Variants in ZFHX3 observed in about 807,000 individuals in gnomAD.
The protein encoded by ZFHX3 is zinc finger homeobox 3.
ZFHX3 carries 42 observed loss-of-function variants against 279.1 expected under a neutral mutation model. The ratio of observed to expected loss-of-function variants is 0.15; its 90% CI spans 0.12 to 0.19. The LOEUF (loss-of-function observed/expected upper bound fraction) is 0.19. ZFHX3 is among the 10% of genes least tolerant of loss of function. The pLI is 1.00. For missense variants in ZFHX3, 4,981 were observed against 4,754.0 expected (o/e 1.05, Z -1.40); for synonymous variants, 2,293 against 1,957.8 (o/e 1.17, Z -4.52).
intron 1 of ZFHX3, among the ~76,000 whole-genome samples, chr16:73,714,554 C>A (rs1242022184): frequency 6.6e-6 from 1 of 152,168 alleles, no homozygotes; most frequent in Non-Finnish European, 1.5e-5. Flanking sequence ...CCCCATCTCC[C>A]GATTCTCTTC....
At chr16:73,817,967 C>T (rs1960624978) in intron 1 of ZFHX3, among the ~76,000 whole-genome samples, 1 of 152,110 alleles carries the variant, frequency 6.6e-6, no homozygotes. Context: ...GCCAACAAAG[C>T]CAAGTGTACG....
chr16:73,786,312 C>G (rs1297311801), intron 1 of ZFHX3, among the ~76,000 whole-genome samples: 1 of 151,794 alleles, frequency 6.6e-6, no homozygotes, highest in African/African-American at 2.4e-5. Flanking sequence ...GTTCATTTTT[C>G]TCTTTTCTTC....
chr16:73,610,775 ATT>A (rs2052236930), intron 2 of ZFHX3, among the ~76,000 whole-genome samples: 1 of 152,206 alleles, frequency 6.6e-6, no homozygotes, highest in South Asian at 2.1e-4. Context: ...AAATATGTTT[ATT>A]TTCTCAACAC....
At chr16:73,105,851 G>A (rs986764497) in intron 7 of ZFHX3, among the ~76,000 whole-genome samples, 2 of 152,048 alleles carry the variant, frequency 1.3e-5, no homozygotes, top group African/African-American at 4.8e-5. Flanking sequence ...TGGCCCTCAT[G>A]ATCATCATGA....
chr16:73,273,703 A>G (rs1193659210), intron 4 of ZFHX3, among the ~76,000 whole-genome samples: 1 of 152,032 alleles, frequency 6.6e-6, no homozygotes. Flanking sequence ...TTTTTTTTTA[A>G]AGCCAATCTC....
At chr16:73,604,746 A>G (rs1386712960) in intron 2 of ZFHX3, among the ~76,000 whole-genome samples, 3 of 145,822 alleles carry the variant, frequency 2.1e-5, no homozygotes, top group Non-Finnish European at 4.7e-5. Flanking sequence ...CTCCGTGAAA[A>G]AAAAAAAAAA....
At chr16:73,452,451 C>G (rs1354324112) in intron 3 of ZFHX3, among the ~76,000 whole-genome samples, 1 of 152,108 alleles carries the variant, frequency 6.6e-6, no homozygotes, top group African/African-American at 2.4e-5. Context: ...CAGAAAGACA[C>G]TAAAAAATCT....
intron 1 of ZFHX3, among the ~76,000 whole-genome samples, chr16:73,836,681 C>T (rs117577008): frequency 1.0e-3 from 159 of 152,316 alleles, no homozygotes; most frequent in Non-Finnish European, 1.9e-3. Context: ...TCTTTTCCTG[C>T]CTCTGGCATT....
At chr16:73,277,734 A>G (rs2014337960) in intron 4 of ZFHX3, among the ~76,000 whole-genome samples, 1 of 152,178 alleles carries the variant, frequency 6.6e-6, no homozygotes, top group Non-Finnish European at 1.5e-5. Flanking sequence ...GCATTGCTAT[A>G]ATACTCGGGA....
intron 3 of ZFHX3, among the ~76,000 whole-genome samples, chr16:73,376,628 C>A (rs2016727764): frequency 6.6e-6 from 1 of 152,138 alleles, no homozygotes; most frequent in South Asian, 2.1e-4. Flanking sequence ...AATCTTAATT[C>A]ATGGTGTTTA....
chr16:73,276,218 T>C (rs1597257085), intron 4 of ZFHX3, among the ~76,000 whole-genome samples: 1 of 151,340 alleles, frequency 6.6e-6, no homozygotes, highest in Admixed American at 6.6e-5. Flanking sequence ...AGTTTCGCTC[T>C]TGTTACCCAG....
At chr16:73,631,240 C>A (rs891791785) in intron 2 of ZFHX3, among the ~76,000 whole-genome samples, 2 of 152,182 alleles carry the variant, frequency 1.3e-5, no homozygotes, top group African/African-American at 4.8e-5. Flanking sequence ...GCCCACAATA[C>A]CCAGTGTTAC....
chr16:73,267,651 G>A (rs1192157285), intron 4 of ZFHX3, among the ~76,000 whole-genome samples: 1 of 152,078 alleles, frequency 6.6e-6, no homozygotes, highest in Non-Finnish European at 1.5e-5. Context: ...TGACCCCTCT[G>A]CCTGCCAAAG....
rs2035321775 is a variant in ZFHX3 at position 72,785,405 on chromosome 16, G to T, written c.*1759C>A. Reference sequence around the variant, plus strand: ...CTGCCTAACACAAGGACAAAACTTTGAAGTAAAAAATGTGTCTTTTGGTAT... The same window carrying T: ...CTGCCTAACACAAGGACAAAACTTTTAAGTAAAAAATGTGTCTTTTGGTAT... On this transcript the variant is annotated 3_prime_UTR_variant, in exon 10 of 10. Transcript: ENST00000268489. 1 of 152,572 alleles carries T rather than the reference G, an allele frequency of 6.6e-6. No individual in the cohort carries two copies. The highest frequency in any genetic ancestry group is 1.5e-5 in the Non-Finnish European group (1 of 68,034). The allele number at this position is 152,572 out of a possible 1,614,324, so 9.5% of individuals were successfully genotyped here. A position where few individuals can be genotyped will look rare whatever the true frequency, so the allele number is the denominator to read the frequency against.
chr16:72,970,209 GA>G (rs1360720923), intron 1 of ZFHX3, among the ~76,000 whole-genome samples: 2 of 147,594 alleles, frequency 1.4e-5, no homozygotes, highest in African/African-American at 5.0e-5. Flanking sequence ...AATTAAAAAA[GA>G]TTTTTTTTTT....
chr16:73,886,732 C>G (rs2030358278), intron 1 of ZFHX3, among the ~76,000 whole-genome samples: 1 of 151,980 alleles, frequency 6.6e-6, no homozygotes, highest in African/African-American at 2.4e-5. Flanking sequence ...CAAAGCCACA[C>G]AAAATAAAAC....
chr16:72,940,496 C>T (rs1960361774), intron 3 of ZFHX3, among the ~76,000 whole-genome samples: 1 of 152,126 alleles, frequency 6.6e-6, no homozygotes, highest in Non-Finnish European at 1.5e-5. Flanking sequence ...TTCTGAGGGG[C>T]AGCAGGAAGA....
intron 1 of ZFHX3, among the ~76,000 whole-genome samples, chr16:73,007,523 T>G (rs1039563886): frequency 8.5e-5 from 13 of 152,190 alleles, no homozygotes; most frequent in Admixed American, 7.9e-4. Flanking sequence ...CTCGGCTCAC[T>G]ACAATCTCTG....
intron 1 of ZFHX3, among the ~76,000 whole-genome samples, chr16:73,781,814 C>T (rs994400799): frequency 2.0e-5 from 3 of 152,210 alleles, no homozygotes; most frequent in South Asian, 4.1e-4. Context: ...TAGTGAAACC[C>T]CGTCTCTACT....
Sources: gnomAD v4.1 joint callset for allele counts (sites outside exome capture counted in the v4.1 genomes callset) on GRCh38, gnomAD v4.1.1 for gene constraint, MANE v1.5 for transcripts, NCBI Gene and HGNC (gene_info 2026-07-23, HGNC 2026-07-21) for gene names.